NTM: variants seen among roughly 807,000 people sequenced by gnomAD.
NTM encodes the protein neurotrimin, also known as IgLON family member 2.
In NTM, 13 loss-of-function variants were observed where a neutral mutation model predicts 42.1. The ratio of observed to expected loss-of-function variants is 0.31; its 90% CI spans 0.20 to 0.49. The LOEUF is 0.49. NTM is among the 20% of genes least tolerant of loss of function. The pLI is 0.99. For synonymous variants in NTM, 187 were observed against 179.2 expected, an observed-to-expected ratio of 1.04 and a Z score of -0.35; for missense variants, 373 against 452.8, an observed-to-expected ratio of 0.82 and a Z score of 1.60.
intron 1 of NTM, among the ~76,000 whole-genome samples, chr11:131,703,217 G>A (rs1425911565): frequency 6.6e-6 from 1 of 152,136 alleles, no homozygotes; most frequent in African/African-American, 2.4e-5. Flanking sequence ...AAGACAGTAT[G>A]TAAAATACTC....
chr11:132,269,078 T>C (rs1367071501), intron 4 of NTM, among the ~76,000 whole-genome samples: 1 of 152,160 alleles, frequency 6.6e-6, no homozygotes, highest in Non-Finnish European at 1.5e-5. Flanking sequence ...GTGACCACTT[T>C]AATTAAATGT....
intron 1 of NTM, among the ~76,000 whole-genome samples, chr11:131,525,707 G>T (rs1019413731): frequency 6.6e-6 from 1 of 152,168 alleles, no homozygotes; most frequent in Admixed American, 6.5e-5. Flanking sequence ...GGAAGATAAT[G>T]GGCTCTGGGT....
chr11:131,669,952 G>A (rs976623755), intron 1 of NTM, among the ~76,000 whole-genome samples: 1 of 152,174 alleles, frequency 6.6e-6, no homozygotes, highest in Non-Finnish European at 1.5e-5. Flanking sequence ...CAAAGATGCT[G>A]GCACTCTCCG....
At chr11:132,118,650 A>G (rs970415974) in intron 2 of NTM, among the ~76,000 whole-genome samples, 2 of 152,194 alleles carry the variant, frequency 1.3e-5, no homozygotes, top group African/African-American at 2.4e-5. Context: ...GGTACCAGAA[A>G]TAGATGAGAG....
At chr11:131,371,147 G>A (rs1359354428) in intron 1 of NTM, 6 of 966,726 alleles carry the variant, frequency 6.2e-6, no homozygotes, top group East Asian at 1.1e-4. Flanking sequence ...CTGTGCTTGT[G>A]TGCAAGGCTC....
At chr11:132,122,511 T>A (rs1446955442) in intron 2 of NTM, among the ~76,000 whole-genome samples, 1 of 152,176 alleles carries the variant, frequency 6.6e-6, no homozygotes, top group African/African-American at 2.4e-5. Flanking sequence ...TTTTTAAGGA[T>A]GCCTGAAGAT....
At chr11:131,540,763 G>C (rs1003922372) in intron 1 of NTM, 1 of 152,186 alleles carries the variant, frequency 6.6e-6, no homozygotes, top group African/African-American at 2.4e-5. Context: ...TCTGCACAAG[G>C]CCCTTATCTA....
chr11:131,962,942 T>C (rs1217782988), intron 2 of NTM, among the ~76,000 whole-genome samples: 2 of 152,202 alleles, frequency 1.3e-5, no homozygotes, highest in Admixed American at 6.5e-5. Context: ...CCTTACTCAC[T>C]GCATCCCCCA....
intron 2 of NTM, among the ~76,000 whole-genome samples, chr11:131,989,004 G>A (rs180913809): frequency 2.6e-4 from 40 of 152,176 alleles, no homozygotes; most frequent in Admixed American, 2.3e-3. Flanking sequence ...CAGCTATAGT[G>A]GGTCCATAAC....
Position 132,146,680 on chromosome 11 carries a change from C to T in NTM, c.400+166C>T. ...ATTTTGCAGTTAGAAGCTAAATTTT[C>T]CAGTCATTTTCATTGAGTGGAACTA... On this transcript the variant is annotated intron_variant, in intron 3 of 8. Transcript: ENST00000683400. The surrounding 1 kb of genome is among the most constrained non-coding windows in gnomAD (Gnocchi z 4.5). The T allele has an allele frequency of 1.6e-6, 1 of 615,830 alleles. No individual in the cohort carries two copies. The highest frequency in any genetic ancestry group is 2.7e-6 in the Non-Finnish European group (1 of 377,056). The allele number at this position is 615,830 out of a possible 1,614,324, so 38.1% of individuals were successfully genotyped here. A position where few individuals can be genotyped will look rare whatever the true frequency, so the allele number is the denominator to read the frequency against.
intron 2 of NTM, among the ~76,000 whole-genome samples, chr11:132,024,882 G>GTGTCAGGAT (rs2074946664): frequency 6.6e-6 from 1 of 152,190 alleles, no homozygotes; most frequent in Non-Finnish European, 1.5e-5. Context: ...CAGGCACTGA[G>GTGTCAGGAT]TGTCAGGATT....
intron 1 of NTM, among the ~76,000 whole-genome samples, chr11:131,531,838 G>A (rs533870444): frequency 6.6e-6 from 1 of 152,296 alleles, no homozygotes; most frequent in Non-Finnish European, 1.5e-5. Context: ...TCTGCAATAA[G>A]CTGTTATTTT....
intron 3 of NTM, among the ~76,000 whole-genome samples, chr11:132,163,132 C>T (rs1591932048): frequency 6.6e-6 from 1 of 152,168 alleles, no homozygotes; most frequent in East Asian, 1.9e-4. Flanking sequence ...TTGTTCTGGC[C>T]CAGCCACGGG....
intron 2 of NTM, among the ~76,000 whole-genome samples, chr11:131,944,212 A>G (rs2060109924): frequency 6.6e-6 from 1 of 152,254 alleles, no homozygotes; most frequent in African/African-American, 2.4e-5. Context: ...TAGAAATACT[A>G]GGTACAGAGT....
At chr11:131,644,426 A>G (rs1441950996) in intron 1 of NTM, among the ~76,000 whole-genome samples, 1 of 152,014 alleles carries the variant, frequency 6.6e-6, no homozygotes, top group Non-Finnish European at 1.5e-5. Flanking sequence ...TGTTCTTTTG[A>G]TTATTAGCCA....
chr11:131,475,611 T>A (rs1039880574), intron 1 of NTM, among the ~76,000 whole-genome samples: 1 of 152,170 alleles, frequency 6.6e-6, no homozygotes, highest in East Asian at 1.9e-4. Context: ...AGGATTCAAG[T>A]TAATATTTAG....
intron 1 of NTM, among the ~76,000 whole-genome samples, chr11:131,500,567 ATATATATATATTT>A (rs1426139105): frequency 7.4e-5 from 2 of 27,096 alleles, no homozygotes; most frequent in African/African-American, 2.8e-4. Flanking sequence ...ATATATATAT[ATATATATATATTT>A]TTTTTTTTTT....
intron 1 of NTM, among the ~76,000 whole-genome samples, chr11:131,747,929 C>T (rs2135661822): frequency 6.6e-6 from 1 of 152,324 alleles, no homozygotes; most frequent in South Asian, 2.1e-4. Flanking sequence ...ACCGTGTCAC[C>T]ATGACTGACA....
intron 1 of NTM, among the ~76,000 whole-genome samples, chr11:131,847,872 T>G (rs2045098369): frequency 6.6e-6 from 1 of 152,340 alleles, no homozygotes; most frequent in African/African-American, 2.4e-5. Flanking sequence ...CTGTCAATAC[T>G]TCAAATATTT....
Sources: allele counts gnomAD v4.1 joint callset (sites outside exome capture counted in the v4.1 genomes callset), GRCh38; gene constraint gnomAD v4.1.1; non-coding constraint Gnocchi (gnomAD v3.1); transcripts MANE v1.5; gene names NCBI Gene and HGNC (gene_info 2026-07-23, HGNC 2026-07-21).